Variants in LDB2 observed in about 807,000 individuals in gnomAD.
The protein encoded by LDB2 is LIM domain binding 2.
LDB2 carries 12 observed loss-of-function variants against 44.3 expected under a neutral mutation model. The observed-to-expected ratio is 0.27, with a 90% CI of 0.17 to 0.44. The LOEUF (loss-of-function observed/expected upper bound fraction) is 0.44, where lower values mean the gene tolerates loss of function less well. Ranked by LOEUF, LDB2 falls within the 20% of genes least tolerant of loss-of-function variation. The pLI is 1.00. For missense variants in LDB2, 344 were observed against 473.5 expected, an observed-to-expected ratio of 0.73 and a Z score of 2.54; for synonymous variants, 164 against 174.8, an observed-to-expected ratio of 0.94 and a Z score of 0.49.
intron 5 of LDB2, among the ~76,000 whole-genome samples, chr4:16,554,090 G>C (rs1049681341): frequency 2.7e-5 from 4 of 150,104 alleles, no homozygotes; most frequent in African/African-American, 9.8e-5. Flanking sequence ...CGCTCTTCTG[G>C]CTCAGGCTGG....
In LDB2 at chr4:16,533,493, T is replaced by TA. The variant is rs1467924971; in HGVS notation, c.616-21390dup. 6.6e-6 allele frequency among the ~76,000 whole-genome samples: 1 copy of TA among 152,308 alleles called. No individual in the cohort carries two copies. Among genetic ancestry groups the TA allele is most frequent in the East Asian group, 1.9e-4 (1 of 5,186 alleles). On this transcript the variant is annotated intron_variant, in intron 5 of 7. Coordinates refer to ENST00000304523, the MANE Select transcript of LDB2 (RefSeq NM_001290.5). This position sits in a 1 kb window ranked among gnomAD's most constrained non-coding sequence, Gnocchi z 4.1. ...GATTAAGATGGACTTAAGTGGGTCC[T>TA]AAAAAAGCAATGACAAATGACACAA...
chr4:16,754,138 G>T (rs1352964990), intron 2 of LDB2, among the ~76,000 whole-genome samples: 3 of 152,192 alleles, frequency 2.0e-5, no homozygotes, highest in Non-Finnish European at 4.4e-5. Flanking sequence ...AAGTGTTCTG[G>T]AGTCTTCTGC....
chr4:16,846,085 G>A (rs955600413), intron 1 of LDB2, among the ~76,000 whole-genome samples: 1 of 148,826 alleles, frequency 6.7e-6, no homozygotes, highest in Non-Finnish European at 1.5e-5. Context: ...CTGCACTCCA[G>A]CCTGGGCGAC....
At chr4:16,844,943 C>T (rs540581383) in intron 1 of LDB2, among the ~76,000 whole-genome samples, 4 of 152,332 alleles carry the variant, frequency 2.6e-5, no homozygotes, top group Admixed American at 6.5e-5. Context: ...CATCATGTCA[C>T]GTCTCTGCTA....
chr4:16,747,788 C>G (rs1764686233), intron 2 of LDB2, among the ~76,000 whole-genome samples: 1 of 152,062 alleles, frequency 6.6e-6, no homozygotes, highest in African/African-American at 2.4e-5. Context: ...ATGAGAGTAA[C>G]ATGGAGACAC....
intron 1 of LDB2, among the ~76,000 whole-genome samples, chr4:16,792,814 A>G (rs1776038989): frequency 6.6e-6 from 1 of 152,238 alleles, no homozygotes; most frequent in African/African-American, 2.4e-5. Flanking sequence ...AACAAGAGGA[A>G]GGAGGAAGGA....
intron 2 of LDB2, among the ~76,000 whole-genome samples, chr4:16,667,231 G>C (rs1743509095): frequency 6.6e-6 from 1 of 152,132 alleles, no homozygotes; most frequent in Non-Finnish European, 1.5e-5. Context: ...ACCAAGGAAA[G>C]GTATTTTCAT....
intron 2 of LDB2, among the ~76,000 whole-genome samples, chr4:16,730,083 T>G (rs1387371702): frequency 6.6e-6 from 1 of 152,200 alleles, no homozygotes; most frequent in Non-Finnish European, 1.5e-5. Context: ...CTATTCTGTT[T>G]TCATTTCTGT....
chr4:16,832,550 T>C (rs1022750629), intron 1 of LDB2, among the ~76,000 whole-genome samples: 1 of 152,220 alleles, frequency 6.6e-6, no homozygotes, highest in Non-Finnish European at 1.5e-5. Context: ...TGTTTATGAA[T>C]TTGGTATATT....
At chr4:16,536,305 A>G (rs1057513627) in intron 5 of LDB2, among the ~76,000 whole-genome samples, 5 of 152,126 alleles carry the variant, frequency 3.3e-5, no homozygotes, top group Non-Finnish European at 4.4e-5. Context: ...GTAGCTAGGA[A>G]AGAGGTTCTC....
chr4:16,713,794 G>C (rs1385835866), intron 2 of LDB2, among the ~76,000 whole-genome samples: 1 of 152,166 alleles, frequency 6.6e-6, no homozygotes, highest in African/African-American at 2.4e-5. Flanking sequence ...TCTACTCCCT[G>C]ACATTCTCAT....
intron 5 of LDB2, among the ~76,000 whole-genome samples, chr4:16,574,226 A>G (rs930814929): frequency 1.2e-4 from 19 of 152,358 alleles, no homozygotes; most frequent in Non-Finnish European, 2.5e-4. Flanking sequence ...ATGCTCTCAC[A>G]CTCAGTTGAT....
chr4:16,509,084 G>A (rs1440692965), intron 6 of LDB2, among the ~76,000 whole-genome samples: 3 of 152,094 alleles, frequency 2.0e-5, no homozygotes, highest in Non-Finnish European at 4.4e-5. Flanking sequence ...AGGACTCCTG[G>A]GATCCCTAGG....
chr4:16,851,400 G>T (rs1377398200), intron 1 of LDB2, among the ~76,000 whole-genome samples: 2 of 151,988 alleles, frequency 1.3e-5, no homozygotes, highest in Non-Finnish European at 2.9e-5. Flanking sequence ...TCTTAGTAGG[G>T]ATTGTGGCAA....
chr4:16,595,776 T>G lies in LDB2; in HGVS notation c.335A>C (p.His112Pro). ...YILKHSKESY[H>P]NSSITVDCDQ... ...GCAGTCCACCGTGATGGATGAGTTG[T>G]GGTATGACTCTTTCGAGTGTTTGAG... Residue 112 changes from histidine to proline, a missense_variant, in exon 3 of 8, where the codon CAC (histidine) becomes CCC (proline). By Grantham distance (77) the His-to-Pro change is moderately conservative. Transcript: ENST00000304523. 6.2e-7 allele frequency: 1 copy of G among 1,613,816 alleles called. No homozygotes were observed. Among genetic ancestry groups the G allele is most frequent in the Non-Finnish European group, 8.5e-7 (1 of 1,179,866 alleles).
chr4:16,735,079 T>C (rs1357904028), intron 2 of LDB2, among the ~76,000 whole-genome samples: 10 of 152,162 alleles, frequency 6.6e-5, no homozygotes, highest in Admixed American at 5.2e-4. Flanking sequence ...AAGAAAACAG[T>C]CATCATTCCT....
chr4:16,798,405 AG>A (rs1440421342), intron 1 of LDB2, among the ~76,000 whole-genome samples: 2 of 152,246 alleles, frequency 1.3e-5, no homozygotes. Context: ...GATCTTGGAA[AG>A]CAGCAATAGG....
chr4:16,561,237 G>A (rs1742093455), intron 5 of LDB2, among the ~76,000 whole-genome samples: 1 of 152,082 alleles, frequency 6.6e-6, no homozygotes, highest in Non-Finnish European at 1.5e-5. Flanking sequence ...GCAGGAGAAG[G>A]AAATAAAGGG....
chr4:16,723,452 G>T (rs1758757854), intron 2 of LDB2, among the ~76,000 whole-genome samples: 1 of 152,118 alleles, frequency 6.6e-6, no homozygotes, highest in Non-Finnish European at 1.5e-5. Flanking sequence ...ATTGGTGAGG[G>T]TACAGCCCCT....
Sources: gnomAD v4.1 joint callset for allele counts (sites outside exome capture counted in the v4.1 genomes callset) on GRCh38, gnomAD v4.1.1 for gene constraint, Gnocchi (gnomAD v3.1) non-coding constraint, MANE v1.5 for transcripts, NCBI Gene and HGNC (gene_info 2026-07-23, HGNC 2026-07-21) for gene names.